TLK2: variants seen among roughly 807,000 people sequenced by gnomAD.
TLK2 encodes the protein tousled like kinase 2, also known as serine/threonine-protein kinase tousled-like 2.
A neutral mutation model predicts 117.3 loss-of-function variants in TLK2; 6 were observed. The observed-to-expected ratio is 0.05, with a 90% CI of 0.03 to 0.10. The LOEUF (loss-of-function observed/expected upper bound fraction) is 0.10, where lower values mean the gene tolerates loss of function less well. Ranked by LOEUF, TLK2 falls within the 10% of genes least tolerant of loss-of-function variation. The pLI, the probability that TLK2 is intolerant of heterozygous loss-of-function variation, is 1.00. For synonymous variants in TLK2, 257 were observed against 316.7 expected (o/e 0.81, Z 2.00); for missense variants, 299 against 901.2 (o/e 0.33, Z 8.56).
At chr17:62,511,455 C>G (rs1343268352) in intron 2 of TLK2, among the ~76,000 whole-genome samples, 3 of 152,206 alleles carry the variant, frequency 2.0e-5, no homozygotes, top group Non-Finnish European at 4.4e-5. Flanking sequence ...ACTGCAGCCT[C>G]TGCCTCCTGG....
chr17:62,532,325 G>GT, intron 6 of TLK2, among the ~76,000 whole-genome samples: 1 of 152,070 alleles, frequency 6.6e-6, no homozygotes, highest in Non-Finnish European at 1.5e-5. Flanking sequence ...TCCTTGGCAG[G>GT]TATTTATTGA....
chr17:62,471,917 T>TTTTTTTTTG (rs1555579389), intron 1 of TLK2, among the ~76,000 whole-genome samples: 1 of 140,796 alleles, frequency 7.1e-6, no homozygotes, highest in Non-Finnish European at 1.5e-5. Flanking sequence ...TTTTTTTTTT[T>TTTTTTTTTG]AGACAGAGTC....
rs2083870043 is a variant in TLK2 at position 62,612,364 on chromosome 17, T to C, written c.2080-28T>C. The C allele has an allele frequency of 4.4e-6, 7 of 1,605,340 alleles. No homozygotes were observed. The East Asian group carries it at 1.6e-4, about 36-fold the overall frequency. On this transcript the variant is annotated intron_variant, in intron 21 of 21. Transcript: ENST00000346027. ...TCCAGGGGTGCCAAGACTATCTGCC[T>C]CTGTCTTCAAGAAACTCTCCTTTGC...
intron 2 of TLK2, among the ~76,000 whole-genome samples, chr17:62,489,727 C>A (rs34497387): frequency 0.33 from 50,608 of 152,064 alleles, 8,647 homozygotes; most frequent in Admixed American, 0.4. Flanking sequence ...ACCCTAGTTT[C>A]TCATTATTCA....
At chr17:62,558,195 T>C (rs147996868) in intron 9 of TLK2, among the ~76,000 whole-genome samples, 26 of 150,960 alleles carry the variant, frequency 1.7e-4, no homozygotes, top group African/African-American at 6.1e-4. Flanking sequence ...AAGGACACAG[T>C]GTCTTGCTCT....
intron 4 of TLK2, among the ~76,000 whole-genome samples, chr17:62,522,673 AGTT>A (rs1307984588): frequency 6.6e-6 from 1 of 152,196 alleles, no homozygotes; most frequent in Non-Finnish European, 1.5e-5. Context: ...CTTCCGTGGC[AGTT>A]GTTTAGTTGA....
chr17:62,574,494 T>G (rs2080598664), intron 12 of TLK2: 3 of 735,996 alleles, frequency 4.1e-6, no homozygotes, highest in African/African-American at 1.8e-5. Context: ...AACATCTTCA[T>G]TCATATAACT....
At chr17:62,527,327 T>C (rs912542312) in intron 6 of TLK2, among the ~76,000 whole-genome samples, 1 of 152,150 alleles carries the variant, frequency 6.6e-6, no homozygotes, top group Admixed American at 6.5e-5. Flanking sequence ...TTTTAATATA[T>C]ATTTAAATTT....
intron 6 of TLK2, among the ~76,000 whole-genome samples, chr17:62,529,229 T>C (rs2076579042): frequency 6.6e-6 from 1 of 152,202 alleles, no homozygotes; most frequent in African/African-American, 2.4e-5. Context: ...CTCTTTGCTT[T>C]ATTTTTTAAT....
At chr17:62,495,838 T>G (rs1194812384) in intron 2 of TLK2, among the ~76,000 whole-genome samples, 1 of 151,094 alleles carries the variant, frequency 6.6e-6, no homozygotes, top group East Asian at 1.9e-4. Context: ...TTTTTTTTTG[T>G]TTTTTAGTAG....
chr17:62,508,743 G>A (rs775562064), intron 2 of TLK2, among the ~76,000 whole-genome samples: 5 of 152,160 alleles, frequency 3.3e-5, no homozygotes, highest in African/African-American at 9.7e-5. Flanking sequence ...GAGGGCAGGC[G>A]GATCACCTGA....
In TLK2 at chr17:62,607,520, C is replaced by T. The variant is rs140536030; in HGVS notation, c.1972-521C>T. Among the ~76,000 whole-genome samples the T allele has an allele frequency of 8.1e-3, 1,232 of 151,900 alleles. 12 individuals carry two copies. Among genetic ancestry groups the T allele is most frequent in the African/African-American group, 0.027 (1,133 of 41,424 alleles). ...CTCCAGTCTGGGCGACAGAGCGAGA[C>T]TCCATCTCAAAAAAAAAGACAAAGG... On this transcript the variant is annotated intron_variant, in intron 20 of 21. Transcript: ENST00000346027.
intron 7 of TLK2, among the ~76,000 whole-genome samples, chr17:62,542,558 T>C (rs2077612833): frequency 6.6e-6 from 1 of 152,230 alleles, no homozygotes; most frequent in South Asian, 2.1e-4. Context: ...TTAACTACAA[T>C]TGAGTCTTTT....
At chr17:62,476,226 C>T (rs371465361), upstream of TLK2, among the ~76,000 whole-genome samples, 36 of 152,044 alleles carry the variant, frequency 2.4e-4, no homozygotes, top group East Asian at 6.5e-3. Context: ...GTGATCCACC[C>T]GCCTTAGCCT....
chr17:62,574,523 GT>G (rs11314763), intron 12 of TLK2: 277,734 of 524,814 alleles, frequency 0.53, 45,861 homozygotes, highest in African/African-American at 0.68. Flanking sequence ...TGTTGTTGTT[GT>G]TTTTTTTTTT....
chr17:62,520,634 G>A lies in TLK2; in HGVS notation c.82-139G>A, dbSNP rs945892393. On this transcript the variant is annotated intron_variant, in intron 2 of 21. Coordinates refer to ENST00000346027, the MANE Select transcript of TLK2 (RefSeq NM_006852.6). ...AGAGGTTGCAGTGAGCCGAGATCAC[G>A]CCATTGTATTCCAGCCGGGGTGATA... 35 of 736,368 alleles carry A rather than the reference G, an allele frequency of 4.8e-5. No homozygotes were observed. The African/African-American group carries it at 6.2e-4, about 13-fold the overall frequency. 45.6% of individuals were successfully genotyped at this position (736,368 alleles called of 1,614,324 possible).
intron 2 of TLK2, among the ~76,000 whole-genome samples, chr17:62,500,790 A>G (rs1485976515): frequency 6.6e-6 from 1 of 152,252 alleles, no homozygotes; most frequent in Non-Finnish European, 1.5e-5. Flanking sequence ...TAAATTAGAA[A>G]TGAAAAAGAT....
At chr17:62,601,619 C>T (rs569675240) in intron 18 of TLK2, among the ~76,000 whole-genome samples, 27 of 152,318 alleles carry the variant, frequency 1.8e-4, no homozygotes, top group Non-Finnish European at 3.1e-4. Flanking sequence ...GAGCTGTAGG[C>T]GGTGCTGTGG....
At chr17:62,506,105 A>C (rs952296690) in intron 2 of TLK2, among the ~76,000 whole-genome samples, 1 of 152,170 alleles carries the variant, frequency 6.6e-6, no homozygotes, top group Non-Finnish European at 1.5e-5. Flanking sequence ...ACAGTTATCT[A>C]GCTGAGAGTC....
Sources: allele counts gnomAD v4.1 joint callset (sites outside exome capture counted in the v4.1 genomes callset), GRCh38; gene constraint gnomAD v4.1.1; transcripts MANE v1.5; gene names NCBI Gene and HGNC (gene_info 2026-07-23, HGNC 2026-07-21).